The following SFTPD variants were observed in gnomAD, a reference collection of about 807,000 sequenced individuals.
SFTPD encodes surfactant protein D.
In SFTPD, 18 loss-of-function variants were observed where a neutral mutation model predicts 34.6. That is an observed-to-expected ratio of 0.52 (90% CI 0.36 to 0.77). The LOEUF (loss-of-function observed/expected upper bound fraction) is 0.77, where lower values mean the gene tolerates loss of function less well. Among genes scored for constraint, SFTPD ranks in the 30% least tolerant of loss-of-function variants. The pLI is 0.00. For missense variants in SFTPD, 433 were observed against 468.9 expected (o/e 0.92, Z 0.71); for synonymous variants, 155 against 180.9 (o/e 0.86, Z 1.15).
rs752623918 is a variant in SFTPD, at chr10:79,942,750, C to G, written c.316+13G>C. On this transcript the variant is annotated intron_variant, in intron 3 of 7. Transcript: ENST00000372292. ...CACCTGGAAACACCTGAAGTCGACA[C>G]CCAGTTGCTCACCACTTGGCCCAGT... 8 of 1,530,830 alleles carry G rather than the reference C, an allele frequency of 5.2e-6. No homozygotes were observed. In the South Asian group the frequency reaches 6.7e-5, roughly 13 times the overall value. 94.8% of individuals were successfully genotyped at this position (1,530,830 alleles called of 1,614,324 possible).
At position 79,938,035 on chromosome 10, in the gene SFTPD, C is replaced by A. The variant is rs2132489062; in HGVS notation, c.945G>T (p.Met315Ile). Residue 315 changes from methionine to isoleucine, a missense_variant, in exon 8 of 8, where the codon ATG becomes ATT. By Grantham distance (10) the Met-to-Ile change is conservative. Coordinates refer to ENST00000372292, the MANE Select transcript of SFTPD (RefSeq NM_003019.5). ...VAKNEAAFLS[M>I]TDSKTEGKFT... The stretch of plus-strand genomic sequence containing the variant: ...ACTTGCCCTCTGTCTTGGAATCAGT[C>A]ATGCTCAGGAAAGCAGCCTCGTTCT... The A allele has an allele frequency of 6.2e-7, 1 of 1,614,084 alleles. No homozygotes were observed. The highest frequency in any genetic ancestry group is 8.5e-7 in the Non-Finnish European group (1 of 1,179,932).
intron 1 of SFTPD, among the ~76,000 whole-genome samples, chr10:79,978,381 G>C (rs116994688): frequency 0.069 from 10,434 of 152,286 alleles, 562 homozygotes; most frequent in South Asian, 0.2. Context: ...GCTGGGTGCA[G>C]TGGCTCATGC....
intron 1 of SFTPD, among the ~76,000 whole-genome samples, chr10:79,981,320 A>C (rs747885590): frequency 2.0e-4 from 30 of 152,226 alleles, no homozygotes; most frequent in Non-Finnish European, 4.3e-4. Flanking sequence ...AATTTATAAA[A>C]TAGCTTCAAA....
At chr10:79,978,907 G>GA in intron 1 of SFTPD, among the ~76,000 whole-genome samples, 1 of 151,288 alleles carries the variant, frequency 6.6e-6, no homozygotes, top group Non-Finnish European at 1.5e-5. Context: ...AAGAAAGAAA[G>GA]AAGTAAAATT....
upstream of SFTPD, among the ~76,000 whole-genome samples, chr10:79,949,275 C>T (rs1842694378): frequency 6.6e-6 from 1 of 152,218 alleles, no homozygotes; most frequent in Non-Finnish European, 1.5e-5. Context: ...ATACTATGCA[C>T]ATCCATCACT....
At chr10:79,956,361 C>T (rs1178005602) in intron 1 of SFTPD, among the ~76,000 whole-genome samples, 3 of 152,264 alleles carry the variant, frequency 2.0e-5, no homozygotes, top group East Asian at 3.8e-4. Context: ...GGCATTCCCT[C>T]ACTCAAGAGC....
chr10:79,981,622 C>T (rs748420872), intron 1 of SFTPD, among the ~76,000 whole-genome samples: 1 of 152,170 alleles, frequency 6.6e-6, no homozygotes, highest in Non-Finnish European at 1.5e-5. Flanking sequence ...TCGTCCTCCC[C>T]TGGCGCACCG....
At chr10:79,949,024 A>T (rs1336079716) in intron 1 of SFTPD, 42 bp downstream of exon 1, 1 of 152,188 alleles carries the variant, frequency 6.6e-6, no homozygotes, top group African/African-American at 2.4e-5. Context: ...TATTTATAGG[A>T]TGTGGAGAAA....
intron 1 of SFTPD, among the ~76,000 whole-genome samples, chr10:79,976,913 G>A (rs1258612587): frequency 1.3e-5 from 2 of 152,170 alleles, no homozygotes; most frequent in Non-Finnish European, 2.9e-5. Flanking sequence ...TAGTGTATAA[G>A]TCTCATGAGA....
upstream of SFTPD, among the ~76,000 whole-genome samples, chr10:79,952,256 A>G (rs962340046): frequency 3.3e-5 from 5 of 152,198 alleles, no homozygotes; most frequent in Non-Finnish European, 7.3e-5. Flanking sequence ...CACCCCATCA[A>G]TGGGAGTGCA....
At chr10:79,957,974 G>C (rs957511443) in intron 1 of SFTPD, among the ~76,000 whole-genome samples, 4 of 152,224 alleles carry the variant, frequency 2.6e-5, no homozygotes, top group African/African-American at 9.6e-5. Flanking sequence ...CTACAAGCCA[G>C]AAGAGAGTGG....
rs759296361 is a variant in SFTPD, at chr10:79,941,488, C to G, written c.577G>C (p.Gly193Arg). 9.3e-6 allele frequency: 15 copies of G among 1,611,174 alleles called. No individual in the cohort carries two copies. The South Asian group carries it at 1.7e-4, about 18-fold the overall frequency. Residue 193 changes from glycine to arginine, a missense_variant, in exon 6 of 8, where the codon GGA becomes CGA. By Grantham distance (125) the Gly-to-Arg change is moderately radical (BLOSUM62 -2). Coordinates refer to ENST00000372292, the MANE Select transcript of SFTPD (RefSeq NM_003019.5). ...GGGGGTCCCCTGGCACCTGGACTTCCCTGGGGACCCATGGCTCCAGCAGAC... is the reference window on the plus strand; with the variant it reads ...GGGGGTCCCCTGGCACCTGGACTTCGCTGGGGACCCATGGCTCCAGCAGAC... ...AGSAGAMGPQ[G>R]SPGARGPPGL... is the part of the protein sequence containing the mutation.
intron 7 of SFTPD, among the ~76,000 whole-genome samples, chr10:79,938,646 G>T (rs1176756890): frequency 6.6e-6 from 1 of 152,194 alleles, no homozygotes; most frequent in Non-Finnish European, 1.5e-5. Flanking sequence ...TGTAGACCAG[G>T]CCAGTTTCTG....
chr10:79,976,444 G>A lies in SFTPD; in HGVS notation c.36+6131C>T, dbSNP rs145113344. Among the ~76,000 whole-genome samples the A allele has an allele frequency of 2.5e-3, 386 of 152,268 alleles. 2 individuals are homozygous for A. The highest frequency in any genetic ancestry group is 9.0e-3 in the African/African-American group (373 of 41,560). ...GAGTCAATCATATCTACTGCTCTGG[G>A]AAACCACAGAGTTTGGGAGGGTGAG... On this transcript the variant is annotated intron_variant, in intron 1 of 5. Transcript: ENST00000444384.
At chr10:79,959,069 A>G (rs1763433973) in intron 1 of SFTPD, among the ~76,000 whole-genome samples, 1 of 152,086 alleles carries the variant, frequency 6.6e-6, no homozygotes, top group African/African-American at 2.4e-5. Flanking sequence ...AAATGAAGGC[A>G]GAAATAAAGA....
chr10:79,964,666 T>G lies in SFTPD; in HGVS notation c.36+17909A>C, dbSNP rs111482232. Among the ~76,000 whole-genome samples the G allele has an allele frequency of 3.9e-5, 6 of 152,262 alleles. 1 individual carries two copies. The highest frequency in any genetic ancestry group is 1.2e-4 in the African/African-American group (5 of 41,550). The stretch of plus-strand genomic sequence containing the variant: ...ATTTCCTTTCCATCATGGAAATCTA[T>G]CCTCAAAATATCACTTCTCAATGTT... On this transcript the variant is annotated intron_variant, in intron 1 of 5. Coordinates refer to the SFTPD transcript ENST00000444384.
intron 1 of SFTPD, among the ~76,000 whole-genome samples, chr10:79,958,043 T>C (rs908955102): frequency 2.6e-5 from 4 of 151,982 alleles, no homozygotes; most frequent in African/African-American, 9.7e-5. Context: ...TCATATCCAG[T>C]CAAACTAAGC....
intron 1 of SFTPD, among the ~76,000 whole-genome samples, chr10:79,947,787 C>T (rs1376189463): frequency 1.3e-5 from 2 of 152,220 alleles, no homozygotes; most frequent in African/African-American, 4.8e-5. Flanking sequence ...AACTACCCAA[C>T]AGGGCACCCA....
intron 1 of SFTPD, among the ~76,000 whole-genome samples, chr10:79,963,214 A>C (rs12764115): frequency 0.029 from 4,457 of 152,086 alleles, 94 homozygotes; most frequent in Non-Finnish European, 0.044. Context: ...ATGGTGATAC[A>C]TTCCTGCAGT....
Sources: gnomAD v4.1 joint callset for allele counts (sites outside exome capture counted in the v4.1 genomes callset) on GRCh38, gnomAD v4.1.1 for gene constraint, MANE v1.5 for transcripts, NCBI Gene and HGNC (gene_info 2026-07-23, HGNC 2026-07-21) for gene names.